Variants in RGS21 observed in about 807,000 individuals in gnomAD.
The protein encoded by RGS21 is regulator of G protein signaling 21.
A neutral mutation model predicts 18.7 loss-of-function variants in RGS21; 19 were observed. The observed-to-expected ratio is 1.01, with a 90% CI of 0.71 to 1.49. The LOEUF (loss-of-function observed/expected upper bound fraction) is 1.49, where lower values mean the gene tolerates loss of function less well. RGS21 is among the 40% of genes most tolerant of loss of function. RGS21 has a pLI of 0.00. For synonymous variants in RGS21, 56 were observed against 57.8 expected (o/e 0.97, Z 0.14); for missense variants, 194 against 176.8 (o/e 1.10, Z -0.55).
At position 192,352,155 on chromosome 1, in the gene RGS21, T is replaced by C. The variant is rs754174397; in HGVS notation, c.197T>C (p.Ile66Thr). 1.2e-6 allele frequency: 2 copies of C among 1,611,224 alleles called. No homozygotes were observed. Among genetic ancestry groups the C allele is most frequent in the Non-Finnish European group, 1.7e-6 (2 of 1,178,632 alleles). The change falls in exon 4 of 5, where the codon ATT becomes ACT. Residue 66 changes from isoleucine to threonine, a missense_variant. Physicochemically the swap from Ile to Thr is moderately conservative, Grantham distance 89. Transcript: ENST00000417209. ...DFKKTKNADK[I>T]ASKAKMIYSE... ...AAGAAAACGAAAAATGCAGACAAAA[T>C]TGCTTCCAAAGCCAAGATGATTTAT...
At chr1:192,321,915 C>T (rs1658503466) in intron 1 of RGS21, among the ~76,000 whole-genome samples, 1 of 152,064 alleles carries the variant, frequency 6.6e-6, no homozygotes, top group African/African-American at 2.4e-5. Flanking sequence ...CACACACCCA[C>T]AATTTTCCCC....
chr1:192,345,498 A>G (rs536271706), intron 2 of RGS21, among the ~76,000 whole-genome samples: 44 of 152,226 alleles, frequency 2.9e-4, no homozygotes, highest in African/African-American at 1.0e-3. Flanking sequence ...ATTTGTTAAT[A>G]TGTTCAATAT....
Position 192,352,080 on chromosome 1 carries a change from C to T in RGS21, c.122C>T (p.Ser41Leu), listed in dbSNP as rs1425712934. The T allele has an allele frequency of 6.3e-7, 1 of 1,599,264 alleles. No homozygotes were observed. Among genetic ancestry groups the T allele is most frequent in the South Asian group, 1.1e-5 (1 of 88,674 alleles). The change falls in exon 4 of 5, where the codon TCA becomes TTA. Residue 41 changes from serine (S) to leucine (L), a missense_variant. Ser to Leu is a moderately radical substitution (Grantham distance 145). Transcript: ENST00000417209. ...GLDAFRIFLKSEFSEENVEFW... is the reference protein window; with the variant it reads ...GLDAFRIFLKLEFSEENVEFW... Reference sequence around the variant, plus strand: ...GATGCTTTTCGAATATTTCTAAAATCAGAGTTTAGTGAAGAAAATGTTGAG... The same window carrying T: ...GATGCTTTTCGAATATTTCTAAAATTAGAGTTTAGTGAAGAAAATGTTGAG...
Position 192,342,346 on chromosome 1 carries a change from T to C in RGS21, c.-60-631T>C, listed in dbSNP as rs112834747. Among the ~76,000 whole-genome samples, 624 of 152,166 alleles carry C rather than the reference T, an allele frequency of 4.1e-3. 6 individuals are homozygous for C. Among genetic ancestry groups the C allele is most frequent in the African/African-American group, 0.014 (592 of 41,552 alleles). On this transcript the variant is annotated intron_variant, in intron 1 of 4. Transcript: ENST00000417209. ...TGTTTTGATAAATATATTAGCCTTA[T>C]TACATTAAACATCATATTGCATAAA...
At chr1:192,319,524 T>A (rs530443431) in intron 1 of RGS21, among the ~76,000 whole-genome samples, 6 of 152,210 alleles carry the variant, frequency 3.9e-5, no homozygotes, top group Non-Finnish European at 8.8e-5. Flanking sequence ...AATACCTGAG[T>A]AATCAAGCAA....
chr1:192,341,366 C>T (rs1658859042), intron 1 of RGS21, among the ~76,000 whole-genome samples: 1 of 151,994 alleles, frequency 6.6e-6, no homozygotes, highest in Non-Finnish European at 1.5e-5. Flanking sequence ...TTACACTGTG[C>T]ATAAGTTCTG....
intron 1 of RGS21, among the ~76,000 whole-genome samples, chr1:192,333,727 C>A (rs1658698909): frequency 6.8e-6 from 1 of 147,416 alleles, no homozygotes; most frequent in African/African-American, 2.5e-5. Context: ...TAAGGGAGAT[C>A]TTTGATGTAA....
At chr1:192,329,618 T>C (rs776080525) in intron 1 of RGS21, among the ~76,000 whole-genome samples, 4 of 152,160 alleles carry the variant, frequency 2.6e-5, no homozygotes, top group Non-Finnish European at 5.9e-5. Context: ...GGCAGTTTCA[T>C]AGATTCTATG....
At chr1:192,318,338 G>C (rs1406912676) in intron 1 of RGS21, among the ~76,000 whole-genome samples, 3 of 152,024 alleles carry the variant, frequency 2.0e-5, no homozygotes, top group African/African-American at 7.2e-5. Flanking sequence ...TGTGCAATTG[G>C]GAAAGAAGTA....
rs1240325606 is a variant in RGS21, at chr1:192,343,106, T to C, written c.11+59T>C. On this transcript the variant is annotated intron_variant, in intron 2 of 4. Transcript: ENST00000417209. ...AAGATGTACAAATGAAACACTTGAG[T>C]CTTCTTTTAGTCTCGATGTTTTATT... 3.4e-6 allele frequency: 5 copies of C among 1,490,596 alleles called. No homozygotes were observed. In the African/African-American group the frequency reaches 6.9e-5, roughly 21 times the overall value. 92.3% of individuals were successfully genotyped at this position (1,490,596 alleles called of 1,614,324 possible). A position where few individuals can be genotyped will look rare whatever the true frequency, so the allele number is the denominator to read the frequency against.
intron 1 of RGS21, among the ~76,000 whole-genome samples, chr1:192,338,893 G>C (rs1214492976): frequency 6.6e-6 from 1 of 152,012 alleles, no homozygotes; most frequent in South Asian, 2.1e-4. Context: ...AAATCTAACA[G>C]ATTTAACTAT....
At chr1:192,320,858 T>C (rs1658488667) in intron 1 of RGS21, among the ~76,000 whole-genome samples, 1 of 152,040 alleles carries the variant, frequency 6.6e-6, no homozygotes, top group Non-Finnish European at 1.5e-5. Context: ...TACATTTTTA[T>C]GTCTGGCAGC....
chr1:192,330,898 C>T (rs1658637078), intron 1 of RGS21, among the ~76,000 whole-genome samples: 1 of 152,098 alleles, frequency 6.6e-6, no homozygotes, highest in Non-Finnish European at 1.5e-5. Context: ...CAGTTTTAAA[C>T]ACTTTGAATT....
chr1:192,342,936 G>C, intron 1 of RGS21, 41 bp from the exon 2 acceptor site: 2 of 1,154,916 alleles, frequency 1.7e-6, no homozygotes, highest in Non-Finnish European at 2.6e-6. Flanking sequence ...ATAGGTATTC[G>C]CATACTAATT....
chr1:192,321,625 C>T (rs1052544467), intron 1 of RGS21, among the ~76,000 whole-genome samples: 7 of 151,846 alleles, frequency 4.6e-5, no homozygotes, highest in Non-Finnish European at 1.0e-4. Context: ...TATTTTAATG[C>T]CATTTTTACT....
At chr1:192,321,422 T>C (rs1380194885) in intron 1 of RGS21, among the ~76,000 whole-genome samples, 2 of 151,980 alleles carry the variant, frequency 1.3e-5, no homozygotes, top group Non-Finnish European at 2.9e-5. Flanking sequence ...GAATTTTCAT[T>C]GGAACTGGTG....
Position 192,366,217 on chromosome 1 carries a change from T to C in RGS21, c.*93T>C. On this transcript the variant is annotated 3_prime_UTR_variant, in exon 5 of 5. Transcript: ENST00000417209. ...ATTGTCTTTTGTTTTGTTTTTAGGA[T>C]TTAGAAAACATTTTTTACCCAAACA... 1 of 786,610 alleles carries C rather than the reference T, an allele frequency of 1.3e-6. No homozygotes were observed. Among genetic ancestry groups the C allele is most frequent in the Non-Finnish European group, 2.1e-6 (1 of 485,100 alleles). 48.7% of individuals were successfully genotyped at this position (786,610 alleles called of 1,614,324 possible). A position where few individuals can be genotyped will look rare whatever the true frequency, so the allele number is the denominator to read the frequency against.
intron 4 of RGS21, among the ~76,000 whole-genome samples, chr1:192,357,869 T>G (rs1019888134): frequency 6.6e-6 from 1 of 152,028 alleles, no homozygotes; most frequent in African/African-American, 2.4e-5. Flanking sequence ...AGGAAAAAAG[T>G]GTCAGAAGTA....
chr1:192,322,033 C>G (rs1658504754), intron 1 of RGS21, among the ~76,000 whole-genome samples: 1 of 152,032 alleles, frequency 6.6e-6, no homozygotes, highest in African/African-American at 2.4e-5. Flanking sequence ...ACAATATGTT[C>G]CCAGGAAATT....
Sources: allele counts gnomAD v4.1 joint callset (sites outside exome capture counted in the v4.1 genomes callset), GRCh38; gene constraint gnomAD v4.1.1; transcripts MANE v1.5; gene names NCBI Gene and HGNC (gene_info 2026-07-23, HGNC 2026-07-21).